The following ADAM19 variants were observed in gnomAD, a reference collection of about 807,000 sequenced individuals.
The protein encoded by ADAM19 is ADAM metallopeptidase domain 19, also known as disintegrin and metalloproteinase domain-containing protein 19.
Under a neutral mutation model 114.7 loss-of-function variants are expected in ADAM19, and 65 were observed. That is an observed-to-expected ratio of 0.57 (90% CI 0.46 to 0.70). The LOEUF is 0.70. Among genes scored for constraint, ADAM19 ranks in the 30% least tolerant of loss-of-function variants. The pLI is 0.00. For missense variants in ADAM19, 1,063 were observed against 1,204.7 expected (o/e 0.88, Z 1.74); for synonymous variants, 466 against 460.5 (o/e 1.01, Z -0.15).
intron 13 of ADAM19, among the ~76,000 whole-genome samples, chr5:157,497,477 C>T (rs1319396389): frequency 6.6e-6 from 1 of 152,000 alleles, no homozygotes; most frequent in Non-Finnish European, 1.5e-5. Context: ...ATATAATTAT[C>T]CCTTCTGCAG....
At position 157,543,842 on chromosome 5, in the gene ADAM19, A is replaced by G. The variant is rs1756980407; in HGVS notation, c.252-5851T>C. ...GTACTGGAAAGTGTCTCTGAAAAGC[A>G]GAGTGCTATTCTAATGTCATGGCCT... On this transcript the variant is annotated intron_variant, in intron 3 of 22. Coordinates refer to ENST00000257527, the MANE Select transcript of ADAM19 (RefSeq NM_033274.5). 2.0e-5 allele frequency among the ~76,000 whole-genome samples: 3 copies of G among 152,182 alleles called. No homozygotes were observed. The South Asian group carries it at 6.2e-4, about 31-fold the overall frequency.
intron 3 of ADAM19, among the ~76,000 whole-genome samples, chr5:157,540,714 A>G (rs1189773734): frequency 3.9e-5 from 6 of 152,100 alleles, no homozygotes; most frequent in Non-Finnish European, 7.4e-5. Context: ...CTCGTGTAGG[A>G]ATCTGCCAAA....
At chr5:157,522,862 A>G (rs1756342588) in intron 5 of ADAM19, among the ~76,000 whole-genome samples, 1 of 152,218 alleles carries the variant, frequency 6.6e-6, no homozygotes, top group South Asian at 2.1e-4. Context: ...TGATGGTGCC[A>G]GCAGCTCTCT....
chr5:157,554,279 A>C (rs1464435927), intron 3 of ADAM19, among the ~76,000 whole-genome samples: 1 of 152,220 alleles, frequency 6.6e-6, no homozygotes, highest in African/African-American at 2.4e-5. Flanking sequence ...CCAACAGGGC[A>C]GTTGACAGCT....
At chr5:157,516,935 AACACAC>A (rs10570308) in intron 7 of ADAM19, among the ~76,000 whole-genome samples, 39 of 150,362 alleles carry the variant, frequency 2.6e-4, no homozygotes, top group African/African-American at 6.3e-4. Context: ...GAAAACATAG[AACACAC>A]ACACACACAC....
intron 3 of ADAM19, among the ~76,000 whole-genome samples, chr5:157,561,007 C>A (rs771875517): frequency 6.6e-6 from 1 of 152,176 alleles, no homozygotes; most frequent in Non-Finnish European, 1.5e-5. Context: ...GATGCACAAA[C>A]TGAGGCTTAA....
chr5:157,524,848 A>C (rs529304261), intron 5 of ADAM19, among the ~76,000 whole-genome samples: 1 of 152,376 alleles, frequency 6.6e-6, no homozygotes, highest in African/African-American at 2.4e-5. Context: ...TAATAACCAA[A>C]GCAGCATTTT....
At chr5:157,534,994 C>T (rs115133320) in intron 4 of ADAM19, among the ~76,000 whole-genome samples, 2,241 of 152,262 alleles carry the variant, frequency 0.015, 29 homozygotes, top group Non-Finnish European at 0.024. Context: ...GTTAACTGAA[C>T]TTGGGCAAGT....
intron 19 of ADAM19, 67 bp downstream of exon 19, chr5:157,490,235 TTTGCTAAG>T (rs1755104522): frequency 1.3e-6 from 2 of 1,553,816 alleles, no homozygotes; most frequent in South Asian, 2.3e-5. Context: ...CACCAACACT[TTTGCTAAG>T]TACCATTTAT....
At chr5:157,532,507 A>C (rs187814159) in intron 4 of ADAM19, among the ~76,000 whole-genome samples, 6 of 152,336 alleles carry the variant, frequency 3.9e-5, no homozygotes, top group Admixed American at 3.9e-4. Flanking sequence ...AGGGGTAACA[A>C]CAAGAGACAC....
At chr5:157,554,385 A>G (rs1757308075) in intron 3 of ADAM19, among the ~76,000 whole-genome samples, 1 of 152,264 alleles carries the variant, frequency 6.6e-6, no homozygotes, top group Non-Finnish European at 1.5e-5. Flanking sequence ...TCCTGGCTGC[A>G]CAGGCAGCCC....
chr5:157,479,558 C>T lies in ADAM19; in HGVS notation c.*1391G>A, dbSNP rs1005400210. The T allele has an allele frequency of 7.1e-6, 7 of 985,720 alleles. No individual in the cohort carries two copies. The highest frequency in any genetic ancestry group is 5.2e-4 in the Middle Eastern group (1 of 1,936). The allele number at this position is 985,720 out of a possible 1,614,324, so 61.1% of individuals were successfully genotyped here. On this transcript the variant is annotated 3_prime_UTR_variant, in exon 23 of 23. Transcript: ENST00000257527. ...ATCTAGCAAAGCACCACACGGCCCT[C>T]CTTCCCTGCTGCAGGGAAGACAGGA... is the stretch of plus-strand genomic sequence containing the variant.
intron 19 of ADAM19, 117 bp downstream of exon 19, chr5:157,490,193 T>C (rs1755101901): frequency 3.5e-6 from 4 of 1,155,456 alleles, no homozygotes; most frequent in Non-Finnish European, 3.8e-6. Flanking sequence ...GCATGTATCT[T>C]GCACTTGTCT....
intron 12 of ADAM19, among the ~76,000 whole-genome samples, chr5:157,502,257 G>A (rs907182718): frequency 5.3e-5 from 8 of 152,274 alleles, no homozygotes; most frequent in African/African-American, 1.2e-4. Context: ...GGGCTCTGCC[G>A]TGTACCCTCC....
chr5:157,520,333 T>A (rs1414321184), intron 5 of ADAM19, among the ~76,000 whole-genome samples: 2 of 128,208 alleles, frequency 1.6e-5, no homozygotes, highest in Non-Finnish European at 3.1e-5. Context: ...AGGTTAAAAG[T>A]CTCTGGACTG....
intron 3 of ADAM19, among the ~76,000 whole-genome samples, chr5:157,539,825 C>T (rs566525130): frequency 1.1e-4 from 17 of 152,320 alleles, no homozygotes; most frequent in Admixed American, 2.0e-4. Context: ...AGAGGCCAAG[C>T]AGTTTTGCTC....
chr5:157,516,058 TA>T lies in ADAM19; in HGVS notation c.667-2554del, dbSNP rs568098256. Among the ~76,000 whole-genome samples, 604 of 152,310 alleles carry T rather than the reference TA, an allele frequency of 4.0e-3. 2 individuals carry two copies. The highest frequency in any genetic ancestry group is 0.017 in the Middle Eastern group (5 of 294). On this transcript the variant is annotated intron_variant, in intron 7 of 22. Coordinates refer to ENST00000257527, the MANE Select transcript of ADAM19 (RefSeq NM_033274.5). ...CTCTGCAGCAGGTTATAAATCATGG[TA>T]AAGCAGCCCTCCCCTTTCCTGCCTT...
intron 2 of ADAM19, 137 bp downstream of exon 2, chr5:157,570,744 CATCTGTGATCTCCA>C (rs1757796389): frequency 3.3e-6 from 2 of 604,632 alleles, no homozygotes; most frequent in Non-Finnish European, 5.9e-6. Context: ...AGGAAAGTCC[CATCTGTGATCTCCA>C]AAATGGGCAC....
At chr5:157,545,279 GATAA>G in intron 3 of ADAM19, among the ~76,000 whole-genome samples, 1 of 152,182 alleles carries the variant, frequency 6.6e-6, no homozygotes, top group Middle Eastern at 3.4e-3. Context: ...ACCTTCTTGA[GATAA>G]ACAGTGGCCC....
Sources: gnomAD v4.1 joint callset for allele counts (sites outside exome capture counted in the v4.1 genomes callset) on GRCh38, gnomAD v4.1.1 for gene constraint, MANE v1.5 for transcripts, NCBI Gene and HGNC (gene_info 2026-07-23, HGNC 2026-07-21) for gene names.